PHLPP2: variants seen among roughly 807,000 people sequenced by gnomAD.
PHLPP2 encodes the protein PH domain leucine-rich repeat-containing protein phosphatase 2.
PHLPP2 carries 66 observed loss-of-function variants against 124.9 expected under a neutral mutation model. That is an observed-to-expected ratio of 0.53 (90% CI 0.43 to 0.65). The LOEUF (loss-of-function observed/expected upper bound fraction) is 0.65, where lower values mean the gene tolerates loss of function less well. Ranked by LOEUF, PHLPP2 falls within the 30% of genes least tolerant of loss-of-function variation. The pLI is 0.00. For synonymous variants in PHLPP2, 681 were observed against 624.7 expected, an observed-to-expected ratio of 1.09 and a Z score of -1.34; for missense variants, 1,685 against 1,600.4, an observed-to-expected ratio of 1.05 and a Z score of -0.90.
At chr16:71,659,598 A>G (rs1452687303) in intron 13 of PHLPP2, among the ~76,000 whole-genome samples, 1 of 152,122 alleles carries the variant, frequency 6.6e-6, no homozygotes, top group Non-Finnish European at 1.5e-5. Context: ...TTACCCATTC[A>G]TGACATTAAC....
At chr16:71,660,946 T>C in intron 13 of PHLPP2, among the ~76,000 whole-genome samples, 1 of 152,114 alleles carries the variant, frequency 6.6e-6, no homozygotes, top group South Asian at 2.1e-4. Context: ...GAACTGATAG[T>C]GGATTTATTA....
intron 3 of PHLPP2, among the ~76,000 whole-genome samples, chr16:71,695,683 C>A (rs1363723352): frequency 6.7e-6 from 1 of 149,908 alleles, no homozygotes; most frequent in East Asian, 2.0e-4. Flanking sequence ...GCACTCCAGC[C>A]TGGGAAACAA....
intron 2 of PHLPP2, among the ~76,000 whole-genome samples, chr16:71,704,886 C>T (rs1307410354): frequency 1.3e-5 from 2 of 152,136 alleles, no homozygotes; most frequent in East Asian, 3.9e-4. Flanking sequence ...GTCAACTAAC[C>T]ATATAATATG....
Position 71,649,508 on chromosome 16 carries a change from G to A in PHLPP2, c.3354C>T (p.Cys1118=). The change falls in exon 19 of 19, where the codon TGC becomes TGT. Residue 1118 remains cysteine, a synonymous_variant. Coordinates refer to ENST00000568954, the MANE Select transcript of PHLPP2 (RefSeq NM_015020.3). The part of the protein sequence containing the change: ...TALLPRPERR[C]SLHPTPTSGL... ...CAGAGGTGGGTGTTGGGTGGAGGCT[G>A]CAGCGCCGCTCTGGCCTCGGAAGCA... The A allele has an allele frequency of 6.2e-7, 1 of 1,614,146 alleles. No homozygotes were observed. Among genetic ancestry groups the A allele is most frequent in the South Asian group, 1.1e-5 (1 of 91,080 alleles).
chr16:71,676,737 G>A, intron 8 of PHLPP2, 88 bp from the exon 9 acceptor site: 1 of 956,894 alleles, frequency 1.0e-6, no homozygotes, highest in Non-Finnish European at 1.6e-6. Flanking sequence ...GGACAGGTAT[G>A]ATCCCTTTCT....
rs369834753 is a variant in PHLPP2, at chr16:71,647,057, C to T, written c.*1833G>A. 2.0e-5 allele frequency: 3 copies of T among 152,580 alleles called. No individual in the cohort carries two copies. Among genetic ancestry groups the T allele is most frequent in the Non-Finnish European group, 2.9e-5 (2 of 68,012 alleles). 9.5% of individuals were successfully genotyped at this position (152,580 alleles called of 1,614,324 possible). A position where few individuals can be genotyped will look rare whatever the true frequency, so the allele number is the denominator to read the frequency against. The stretch of plus-strand genomic sequence containing the variant: ...ACAAAAATCTTCCCAAAAATACACA[C>T]GAAAATATATTTATATTTAACCCTC... On this transcript the variant is annotated 3_prime_UTR_variant, in exon 19 of 19. Coordinates refer to ENST00000568954, the MANE Select transcript of PHLPP2 (RefSeq NM_015020.3).
Position 71,667,320 on chromosome 16 carries a change from A to T in PHLPP2, c.1642T>A (p.Leu548Met). ...TEVPVRILSSLSLRKLMLGHN... is the reference protein window; with the variant it reads ...TEVPVRILSSMSLRKLMLGHN... ...CCCAGCATCAGTTTTCTAAGACTCA[A>T]GCTACTCAGAATTCTAAGGGGGGAG... The change falls in exon 12 of 19, where the codon TTG becomes ATG. Residue 548 changes from leucine to methionine, a missense_variant. Leu to Met is a conservative substitution (Grantham distance 15, BLOSUM62 2). Transcript: ENST00000568954. The T allele has an allele frequency of 6.2e-7, 1 of 1,612,848 alleles. No homozygotes were observed.
rs142408105 is a variant in PHLPP2, at chr16:71,669,325, C to T, written c.1578G>A (p.Lys526=). ...TATAGCTCACATCTAATACTTCTAT[C>T]TTCTTTGCTTCACAGGCCCAGTCAG... ...CVPDWACEAK[K]IEVLDVSYNL... The change falls in exon 11 of 19, where the codon AAG becomes AAA. Residue 526 remains lysine (K), a synonymous_variant. Coordinates refer to ENST00000568954, the MANE Select transcript of PHLPP2 (RefSeq NM_015020.3). 1 of 1,612,764 alleles carries T rather than the reference C, an allele frequency of 6.2e-7. No individual in the cohort carries two copies. Among genetic ancestry groups the T allele is most frequent in the South Asian group, 1.1e-5 (1 of 91,078 alleles).
At position 71,700,685 on chromosome 16, in the gene PHLPP2, C is replaced by A. The variant is rs1429479598; in HGVS notation, c.418+1913G>T. ...GGACTATAGGTGCCCGCCACCAGGC[C>A]CAGCTAATTTTTTGTATTTTTAGTA... On this transcript the variant is annotated intron_variant, in intron 3 of 18. Transcript: ENST00000568954. 2.0e-5 allele frequency among the ~76,000 whole-genome samples: 3 copies of A among 151,826 alleles called. 1 individual carries two copies. The highest frequency in any genetic ancestry group is 1.5e-5 in the Non-Finnish European group (1 of 67,986).
chr16:71,713,573 T>C (rs1417190802), intron 2 of PHLPP2, among the ~76,000 whole-genome samples: 1 of 152,136 alleles, frequency 6.6e-6, no homozygotes, highest in Non-Finnish European at 1.5e-5. Flanking sequence ...AACTTGAATG[T>C]CCATTAATAG....
intron 4 of PHLPP2, among the ~76,000 whole-genome samples, chr16:71,687,148 A>C (rs953856499): frequency 4.0e-4 from 61 of 152,072 alleles, no homozygotes; most frequent in African/African-American, 1.3e-3. Flanking sequence ...TATTATTTTT[A>C]TTTGCATTTC....
rs374467279 is a variant in PHLPP2, at chr16:71,681,765, G to C, written c.876C>G (p.Leu292=). Reference sequence around the variant, plus strand: ...TCTCCACATACTTGTAGAGTGTATCGAGGCCTCCGGGTCTTTCTAACTGCA... The same window carrying C: ...TCTCCACATACTTGTAGAGTGTATCCAGGCCTCCGGGTCTTTCTAACTGCA... ...NFMQLERPGG[L]DTLYKFSQLK... The change falls in exon 6 of 19, where the codon CTC becomes CTG. Residue 292 remains leucine (L), a synonymous_variant. Coordinates refer to ENST00000568954, the MANE Select transcript of PHLPP2 (RefSeq NM_015020.3). The C allele has an allele frequency of 1.9e-6, 3 of 1,613,058 alleles. No homozygotes were observed. The Admixed American group carries it at 5.0e-5, about 27-fold the overall frequency.
intron 7 of PHLPP2, 28 bp downstream of exon 7, chr16:71,679,361 A>G: frequency 7.5e-6 from 12 of 1,605,540 alleles, no homozygotes; most frequent in Non-Finnish European, 1.0e-5. Context: ...CTGCAAGGGA[A>G]AAGAGGAATC....
At chr16:71,667,110 A>C in intron 12 of PHLPP2, 68 bp downstream of exon 12, 1 of 1,317,870 alleles carries the variant, frequency 7.6e-7, no homozygotes, top group Non-Finnish European at 1.1e-6. Context: ...GGTCACTCCA[A>C]TGATAAGTCA....
chr16:71,676,685 AG>A (rs767637038), intron 8 of PHLPP2, 36 bp from the exon 9 acceptor site: 1 of 1,418,816 alleles, frequency 7.0e-7, no homozygotes, highest in African/African-American at 1.4e-5. Context: ...ATCATAAATA[AG>A]AGTCTATTAA....
intron 3 of PHLPP2, among the ~76,000 whole-genome samples, chr16:71,693,686 T>C (rs1567624108): frequency 6.6e-6 from 1 of 152,182 alleles, no homozygotes. Flanking sequence ...TCAAATTAAC[T>C]GTGATTCATG....
intron 1 of PHLPP2, among the ~76,000 whole-genome samples, chr16:71,716,997 A>C (rs1195581208): frequency 6.6e-6 from 1 of 152,210 alleles, no homozygotes; most frequent in African/African-American, 2.4e-5. Flanking sequence ...GTGACACAGA[A>C]GTGTTTGTAG....
At chr16:71,700,519 C>CTTTTTTTTTTTTTT (rs1234453846) in intron 3 of PHLPP2, among the ~76,000 whole-genome samples, 1 of 83,346 alleles carries the variant, frequency 1.2e-5, no homozygotes, top group African/African-American at 4.8e-5. Flanking sequence ...TGACTCATTT[C>CTTTTTTTTTTTTTT]TTTTTTTTTT....
At chr16:71,713,131 A>C (rs1204486046) in intron 2 of PHLPP2, among the ~76,000 whole-genome samples, 2 of 152,226 alleles carry the variant, frequency 1.3e-5, no homozygotes, top group African/African-American at 2.4e-5. Context: ...AGAGAAATGA[A>C]AATTAAAATA....
Sources: gnomAD v4.1 joint callset for allele counts (sites outside exome capture counted in the v4.1 genomes callset) on GRCh38, gnomAD v4.1.1 for gene constraint, MANE v1.5 for transcripts, NCBI Gene and HGNC (gene_info 2026-07-23, HGNC 2026-07-21) for gene names.